Variants in DACH1 observed in about 807,000 individuals in gnomAD.
DACH1 encodes dachshund family transcription factor 1, also known as dachshund homolog 1.
Under a neutral mutation model 54.2 loss-of-function variants are expected in DACH1, and 12 were observed. The ratio of observed to expected loss-of-function variants is 0.22; its 90% CI spans 0.14 to 0.36. The LOEUF (loss-of-function observed/expected upper bound fraction) is 0.36. Ranked by LOEUF, DACH1 falls within the 10% of genes least tolerant of loss-of-function variation. The pLI is 1.00. For synonymous variants in DACH1, 386 were observed against 366.2 expected (o/e 1.05, Z -0.62); for missense variants, 805 against 929.8 (o/e 0.87, Z 1.75).
chr13:71,618,636 T>C (rs1391536205), intron 3 of DACH1, among the ~76,000 whole-genome samples: 1 of 151,936 alleles, frequency 6.6e-6, no homozygotes, highest in Admixed American at 6.6e-5. Flanking sequence ...GGGTTTTTTT[T>C]TAAGAAAAAT....
Position 71,445,830 on chromosome 13 carries a change from T to C in DACH1, c.2084-5138A>G, listed in dbSNP as rs750381219. Among the ~76,000 whole-genome samples the C allele has an allele frequency of 8.5e-5, 13 of 152,204 alleles. 1 individual carries two copies. The highest frequency in any genetic ancestry group is 1.5e-4 in the Non-Finnish European group (10 of 68,026). Reference sequence around the variant, plus strand: ...CTGCATGTGGACATACCCAGGGAACTAACAACAGGCTTCTGAATTATGGGG... The same window carrying C: ...CTGCATGTGGACATACCCAGGGAACCAACAACAGGCTTCTGAATTATGGGG... On this transcript the variant is annotated intron_variant, in intron 10 of 10. Coordinates refer to ENST00000613252, the MANE Select transcript of DACH1 (RefSeq NM_080759.6).
intron 1 of DACH1, among the ~76,000 whole-genome samples, chr13:71,857,655 T>A (rs1566546176): frequency 1.3e-5 from 2 of 151,780 alleles, no homozygotes; most frequent in East Asian, 3.8e-4. Context: ...AGAACATTCA[T>A]CCTCATATAA....
chr13:71,632,143 A>AT (rs2138573719), intron 2 of DACH1, among the ~76,000 whole-genome samples: 1 of 152,172 alleles, frequency 6.6e-6, no homozygotes, highest in Non-Finnish European at 1.5e-5. Context: ...ACAAAAAAAA[A>AT]GAAAAGAAAC....
At chr13:71,493,494 A>G (rs1397219466) in intron 6 of DACH1, among the ~76,000 whole-genome samples, 1 of 152,158 alleles carries the variant, frequency 6.6e-6, no homozygotes, top group Non-Finnish European at 1.5e-5. Flanking sequence ...TCCTACATAA[A>G]TGTTTGTTGG....
Position 71,496,296 on chromosome 13 carries a change from TATATATATATAC to T in DACH1, c.1571-7160_1571-7149del, listed in dbSNP as rs1190755232. 5.3e-4 allele frequency among the ~76,000 whole-genome samples: 66 copies of T among 124,404 alleles called. 1 individual carries two copies. Among genetic ancestry groups the T allele is most frequent in the African/African-American group, 1.9e-3 (64 of 33,350 alleles). 81.6% of individuals were successfully genotyped at this position (124,404 alleles called of 152,430 possible). Reference sequence around the variant, plus strand: ...ATATATATATATATATATATATATATATATATATATACACACACAAAAAGATATGCAACATAT... The same window carrying T: ...ATATATATATATATATATATATATATACACACAAAAAGATATGCAACATAT... On this transcript the variant is annotated intron_variant, in intron 6 of 10. Coordinates refer to ENST00000613252, the MANE Select transcript of DACH1 (RefSeq NM_080759.6).
chr13:71,514,041 G>A (rs576668226), intron 6 of DACH1, among the ~76,000 whole-genome samples: 1 of 152,004 alleles, frequency 6.6e-6, no homozygotes, highest in East Asian at 1.9e-4. Context: ...AATACTGAGT[G>A]TCAATGTGGT....
chr13:71,572,636 GATAT>G (rs1462881135), intron 4 of DACH1, among the ~76,000 whole-genome samples, 200 bp downstream of exon 4: 1 of 152,026 alleles, frequency 6.6e-6, no homozygotes, highest in African/African-American at 2.4e-5. Context: ...TATCTTAATA[GATAT>G]ATAGAGAATT....
intron 3 of DACH1, among the ~76,000 whole-genome samples, chr13:71,606,931 T>C (rs1009397624): frequency 1.4e-4 from 22 of 152,034 alleles, no homozygotes; most frequent in African/African-American, 5.3e-4. Flanking sequence ...TTTGAGCATT[T>C]TGAAGTAGTG....
chr13:71,811,468 A>G (rs303963), intron 1 of DACH1, among the ~76,000 whole-genome samples: 48,546 of 152,002 alleles, frequency 0.32, 8,186 homozygotes, highest in African/African-American at 0.39. Flanking sequence ...TTATGAACTA[A>G]TAAAGAATAA....
At chr13:71,670,788 T>C (rs1238067020) in intron 2 of DACH1, among the ~76,000 whole-genome samples, 1 of 152,042 alleles carries the variant, frequency 6.6e-6, no homozygotes, top group African/African-American at 2.4e-5. Flanking sequence ...ACTTACAAGA[T>C]GTTACTATAA....
intron 1 of DACH1, among the ~76,000 whole-genome samples, chr13:71,715,691 G>T: frequency 6.6e-6 from 1 of 151,622 alleles, no homozygotes; most frequent in Non-Finnish European, 1.5e-5. Flanking sequence ...ATGAGAACGA[G>T]ATATGTCTTT....
Position 71,812,452 on chromosome 13 carries a change from CA to C in DACH1, c.848+53469del, listed in dbSNP as rs142455832. On this transcript the variant is annotated intron_variant, in intron 1 of 10. Coordinates refer to ENST00000613252, the MANE Select transcript of DACH1 (RefSeq NM_080759.6). ...CAGATTAGACACATTACCTTTATTC[CA>C]AAATTTTATGCTATAATCAGTATTT... Among the ~76,000 whole-genome samples the C allele has an allele frequency of 3.9e-3, 599 of 152,040 alleles. 31 individuals are homozygous for C. The East Asian group carries it at 0.1, about 26-fold the overall frequency.
chr13:71,700,106 C>T (rs1216993310), intron 1 of DACH1, among the ~76,000 whole-genome samples: 2 of 152,134 alleles, frequency 1.3e-5, no homozygotes, highest in African/African-American at 4.8e-5. Flanking sequence ...TGTGCACACA[C>T]ACACACACAC....
intron 6 of DACH1, among the ~76,000 whole-genome samples, chr13:71,516,548 C>G (rs555334822): frequency 1.3e-5 from 2 of 151,860 alleles, no homozygotes; most frequent in South Asian, 2.1e-4. Context: ...CTCTCTCCCC[C>G]ACCTTAAAAC....
chr13:71,648,338 C>G (rs1037694802), intron 2 of DACH1, among the ~76,000 whole-genome samples: 8 of 152,026 alleles, frequency 5.3e-5, no homozygotes, highest in African/African-American at 1.7e-4. Context: ...GTTCTTCATT[C>G]TTAATGGTGC....
At chr13:71,508,138 G>A (rs1046679482) in intron 6 of DACH1, among the ~76,000 whole-genome samples, 2 of 152,206 alleles carry the variant, frequency 1.3e-5, no homozygotes, top group South Asian at 4.1e-4. Flanking sequence ...CAAGTGAACT[G>A]TGCCTCTGTC....
At chr13:71,607,646 C>T (rs1345893000) in intron 3 of DACH1, among the ~76,000 whole-genome samples, 1 of 151,896 alleles carries the variant, frequency 6.6e-6, no homozygotes, top group Non-Finnish European at 1.5e-5. Flanking sequence ...TGTTTTAATA[C>T]CACCAGGAAA....
At chr13:71,609,268 T>A (rs182810048) in intron 3 of DACH1, among the ~76,000 whole-genome samples, 2 of 152,226 alleles carry the variant, frequency 1.3e-5, no homozygotes, top group East Asian at 3.9e-4. Context: ...AAAACAGATC[T>A]TTCTCTTTTT....
intron 6 of DACH1, among the ~76,000 whole-genome samples, chr13:71,547,030 A>C (rs1883507421): frequency 6.6e-6 from 1 of 152,054 alleles, no homozygotes; most frequent in Non-Finnish European, 1.5e-5. Context: ...TTATTATGAT[A>C]GCTTCCCCAT....
Sources: allele counts gnomAD v4.1 joint callset (sites outside exome capture counted in the v4.1 genomes callset), GRCh38; gene constraint gnomAD v4.1.1; transcripts MANE v1.5; gene names NCBI Gene and HGNC (gene_info 2026-07-23, HGNC 2026-07-21).